Variants in BRCA1 observed in about 807,000 individuals in gnomAD.
BRCA1 encodes BRCA1 DNA repair associated.
A neutral mutation model predicts 173.7 loss-of-function variants in BRCA1; 140 were observed. That is an observed-to-expected ratio of 0.81 (90% CI 0.70 to 0.93). The LOEUF is 0.93. Ranked by LOEUF, BRCA1 falls within the 40% of genes least tolerant of loss-of-function variation. BRCA1 has a pLI of 0.00. For synonymous variants in BRCA1, 662 were observed against 756.0 expected (o/e 0.88, Z 2.04); for missense variants, 1,983 against 2,172.5 (o/e 0.91, Z 1.73).
rs1555587835 is a variant in BRCA1, at chr17:43,092,157, G to T, written c.3374C>A (p.Ser1125Tyr). The T allele has an allele frequency of 1.2e-6, 2 of 1,613,410 alleles. No individual in the cohort carries two copies. The highest frequency in any genetic ancestry group is 1.7e-6 in the Non-Finnish European group (2 of 1,179,850). The change falls in exon 10 of 23, where the codon TCT (serine) becomes TAT (tyrosine). Residue 1125 changes from serine to tyrosine, a missense_variant. Transcript: ENST00000357654. ...TAAGTTATCTGAAATCAGATATGGA[G>T]AGAAATCTGTATTAACAGTCTGAAC... ...EVVQTVNTDF[S>Y]PYLISDNLEQ... is the part of the protein sequence containing the mutation.
chr17:43,067,020 G>A (rs1452608297), intron 16 of BRCA1, among the ~76,000 whole-genome samples: 2 of 147,328 alleles, frequency 1.4e-5, no homozygotes, highest in Admixed American at 6.8e-5. Flanking sequence ...GTTTCAACAC[G>A]TTGGCCAGGC....
upstream of BRCA1, among the ~76,000 whole-genome samples, chr17:43,126,147 G>C (rs956492687): frequency 1.3e-5 from 2 of 152,230 alleles, no homozygotes; most frequent in Admixed American, 1.3e-4. Context: ...GAATTTGCCT[G>C]GGGCAGGGGA....
chr17:43,159,086 A>AAC (rs544789525), intron 1 of BRCA1, among the ~76,000 whole-genome samples: 4 of 151,260 alleles, frequency 2.6e-5, no homozygotes, highest in African/African-American at 4.9e-5. Flanking sequence ...CACACACACA[A>AAC]ACACACACAC....
intron 1 of BRCA1, among the ~76,000 whole-genome samples, chr17:43,158,544 CCT>C (rs2056212300): frequency 1.3e-5 from 2 of 152,012 alleles, no homozygotes; most frequent in African/African-American, 4.8e-5. Context: ...TTGAATTTAC[CCT>C]TTTTTATTGT....
chr17:43,100,676 ATAATATATATATATAT>A (rs2054415013), intron 6 of BRCA1, among the ~76,000 whole-genome samples: 7 of 27,924 alleles, frequency 2.5e-4, no homozygotes, highest in Non-Finnish European at 3.3e-4. Context: ...ATATATATAT[ATAATATATATATATAT>A]ATATATATAT....
At chr17:43,163,968 G>A (rs2056251749) in intron 1 of BRCA1, 1 of 152,250 alleles carries the variant, frequency 6.6e-6, no homozygotes, top group Non-Finnish European at 1.5e-5. Context: ...TCCTGGAAAA[G>A]AGCTACCAGG....
At chr17:43,098,819 CTTTT>C (rs1229817948) in intron 7 of BRCA1, among the ~76,000 whole-genome samples, 1 of 138,784 alleles carries the variant, frequency 7.2e-6, no homozygotes. Context: ...AGATTCAGCT[CTTTT>C]TTTTTTTTTT....
chr17:43,147,913 C>G (rs2056134207), intron 1 of BRCA1, among the ~76,000 whole-genome samples: 1 of 152,132 alleles, frequency 6.6e-6, no homozygotes, highest in Non-Finnish European at 1.5e-5. Flanking sequence ...ACAGGCACGA[C>G]AAACTTTCCC....
chr17:43,056,475 G>C (rs1235054497), intron 19 of BRCA1, among the ~76,000 whole-genome samples: 1 of 152,140 alleles, frequency 6.6e-6, no homozygotes, highest in Non-Finnish European at 1.5e-5. Flanking sequence ...CGCTGTGCCT[G>C]GCCCAGTGAA....
intron 5 of BRCA1, 95 bp from the exon 6 acceptor site, chr17:43,104,356 T>G: frequency 7.4e-7 from 1 of 1,358,634 alleles, no homozygotes; most frequent in Non-Finnish European, 1.0e-6. Flanking sequence ...GTATGCTCTT[T>G]GTTGTGTTAA....
intron 1 of BRCA1, among the ~76,000 whole-genome samples, chr17:43,137,747 A>G (rs4793207): frequency 0.32 from 47,951 of 148,358 alleles, 7,880 homozygotes; most frequent in South Asian, 0.5. Flanking sequence ...CATGGTGGTG[A>G]GCACCTGTAT....
intron 14 of BRCA1, among the ~76,000 whole-genome samples, chr17:43,072,186 G>A (rs962164844): frequency 2.0e-5 from 3 of 151,410 alleles, no homozygotes; most frequent in Admixed American, 1.3e-4. Flanking sequence ...TCAAGAGGTC[G>A]AGACCAGTCT....
rs80356831 is a variant in BRCA1, at chr17:43,091,748, T to A, written c.3783A>T (p.Leu1261Phe). The change falls in exon 10 of 23, where the codon TTA becomes TTT. Residue 1261 changes from leucine to phenylalanine, a missense_variant. By Grantham distance (22) the Leu-to-Phe change is conservative. Transcript: ENST00000357654. ...AGTCATTTAAGCTATTCTTCAATGA[T>A]AATAAATTCTCCTCTGTGTTCTTAG... ...CLSKNTEENL[L>F]SLKNSLNDCS... 6.2e-7 allele frequency: 1 copy of A among 1,614,244 alleles called. No individual in the cohort carries two copies. The highest frequency in any genetic ancestry group is 8.5e-7 in the Non-Finnish European group (1 of 1,180,036).
upstream of BRCA1, among the ~76,000 whole-genome samples, chr17:43,130,462 C>T (rs1170287458): frequency 1.3e-5 from 2 of 152,078 alleles, no homozygotes; most frequent in Admixed American, 6.6e-5. Flanking sequence ...TACAGGCCTG[C>T]GCCACTACAC....
chr17:43,098,030 CTTTT>C (rs35771473), intron 7 of BRCA1, among the ~76,000 whole-genome samples: 1 of 135,264 alleles, frequency 7.4e-6, no homozygotes, highest in Non-Finnish European at 1.6e-5. Context: ...CTCAGCAGCT[CTTTT>C]TTTTTTTTTT....
Position 43,082,464 on chromosome 17 carries a change from T to C in BRCA1, c.4297A>G (p.Ile1433Val), listed in dbSNP as rs541512953. The C allele has an allele frequency of 3.7e-6, 6 of 1,614,180 alleles. No homozygotes were observed. In the African/African-American group the frequency reaches 4.0e-5, roughly 11 times the overall value. Residue 1433 changes from isoleucine (I) to valine (V), a missense_variant, in exon 12 of 23, where the codon ATA becomes GTA. Ile to Val is a conservative substitution (Grantham distance 29). Transcript: ENST00000357654. ...TCCTCAAGGGCAGAAGAGTCACTTA[T>C]GATGGAAGGGTAGCTGTTAGAAGGC... ...SQPSNSYPSI[I>V]SDSSALEDLR...
Position 43,094,802 on chromosome 17 carries a change from A to G in BRCA1, c.729T>C (p.Asn243=). Residue 243 remains asparagine (N), a synonymous_variant, in exon 10 of 23, where the codon AAT becomes AAC. Coordinates refer to ENST00000357654, the MANE Select transcript of BRCA1 (RefSeq NM_007294.4). ...GCTTCTCAGTGGTGTTCAAATCATT[A>G]TTACTGGGTTGATGATGTTCAGTAT... ...VTNTEHHQPS[N]NDLNTTEKRA... 1 of 1,613,538 alleles carries G rather than the reference A, an allele frequency of 6.2e-7. No individual in the cohort carries two copies.
intron 15 of BRCA1, among the ~76,000 whole-genome samples, chr17:43,069,104 C>T (rs2052273125): frequency 6.6e-6 from 1 of 152,202 alleles, no homozygotes; most frequent in Non-Finnish European, 1.5e-5. Flanking sequence ...CATGTTGCCT[C>T]ACTCCATACT....
intron 1 of BRCA1, chr17:43,145,328 T>TATTTA: frequency 2.0e-6 from 1 of 491,684 alleles, no homozygotes. Flanking sequence ...TTTTTTTCTT[T>TATTTA]CTTTTTTTTT....
Sources: allele counts gnomAD v4.1 joint callset (sites outside exome capture counted in the v4.1 genomes callset), GRCh38; gene constraint gnomAD v4.1.1; transcripts MANE v1.5; gene names NCBI Gene and HGNC (gene_info 2026-07-23, HGNC 2026-07-21).